The following ABCG8 variants were observed in gnomAD, a reference collection of about 807,000 sequenced individuals.
ABCG8 encodes the protein ATP binding cassette subfamily G member 8.
ABCG8 carries 81 observed loss-of-function variants against 71.3 expected under a neutral mutation model. The ratio of observed to expected loss-of-function variants is 1.14; its 90% CI spans 0.95 to 1.37. The LOEUF (loss-of-function observed/expected upper bound fraction) is 1.37. Among genes scored for constraint, ABCG8 ranks in the 40% most tolerant of loss-of-function variants. The pLI is 0.00. For synonymous variants in ABCG8, 451 were observed against 354.7 expected, an observed-to-expected ratio of 1.27 and a Z score of -3.05; for missense variants, 1,119 against 866.2, an observed-to-expected ratio of 1.29 and a Z score of -3.66.
intron 1 of ABCG8, among the ~76,000 whole-genome samples, chr2:43,842,390 G>A (rs191603136): frequency 2.6e-5 from 4 of 152,286 alleles, no homozygotes; most frequent in East Asian, 3.9e-4. Flanking sequence ...CAGTGACAGC[G>A]GAGAGGGCGA....
Position 43,882,576 on chromosome 2 carries a change from A to G in ABCG8, c.*4663A>G, listed in dbSNP as rs1190155799. ...TCCTTATTTGTGAATAGTCTGCACT[A>G]GATAATTCAGATTTCAAGTCATCTG... is the stretch of plus-strand genomic sequence containing the variant. On this transcript the variant is annotated 3_prime_UTR_variant, in exon 13 of 13. Transcript: ENST00000272286. 6.6e-6 allele frequency: 1 copy of G among 152,238 alleles called. No individual in the cohort carries two copies. Among genetic ancestry groups the G allele is most frequent in the African/African-American group, 2.4e-5 (1 of 41,468 alleles). The allele number at this position is 152,238 out of a possible 1,614,324, so 9.4% of individuals were successfully genotyped here. A position where few individuals can be genotyped will look rare whatever the true frequency, so the allele number is the denominator to read the frequency against.
In ABCG8 at chr2:43,852,852, T is replaced by C. The variant is rs775099284; in HGVS notation, c.948T>C (p.Asn316=). 1 of 1,614,024 alleles carries C rather than the reference T, an allele frequency of 6.2e-7. No individual in the cohort carries two copies. Among genetic ancestry groups the C allele is most frequent in the Non-Finnish European group, 8.5e-7 (1 of 1,180,010 alleles). The part of the protein sequence containing the change: ...AIGYPCPRYS[N]PADFYVDLTS... ...GCTACCCCTGTCCTCGCTACAGCAA[T>C]CCTGCTGACTTCTATGGTGAGTCCC... The change falls in exon 6 of 13, where the codon AAT becomes AAC. Residue 316 remains asparagine (N), a synonymous_variant. Coordinates refer to ENST00000272286, the MANE Select transcript of ABCG8 (RefSeq NM_022437.3).
chr2:43,863,729 G>T (rs1669417518), intron 6 of ABCG8, among the ~76,000 whole-genome samples: 1 of 151,410 alleles, frequency 6.6e-6, no homozygotes, highest in Admixed American at 6.6e-5. Flanking sequence ...CATTTGGATA[G>T]AACTCTCACT....
chr2:43,881,009 T>C lies in ABCG8; in HGVS notation c.*3096T>C, dbSNP rs1284985254. On this transcript the variant is annotated 3_prime_UTR_variant, in exon 13 of 13. Transcript: ENST00000272286. ...TCCCCCCACCTCCTTGTCACTGTGG[T>C]CCCCTAATGGCGTTAGGCCTGAATG... 1 of 152,280 alleles carries C rather than the reference T, an allele frequency of 6.6e-6. No homozygotes were observed. The highest frequency in any genetic ancestry group is 2.4e-5 in the African/African-American group (1 of 41,434). The allele number at this position is 152,280 out of a possible 1,614,324, so 9.4% of individuals were successfully genotyped here.
chr2:43,850,371 A>T (rs1472210414), intron 3 of ABCG8, among the ~76,000 whole-genome samples: 1 of 152,216 alleles, frequency 6.6e-6, no homozygotes, highest in African/African-American at 2.4e-5. Flanking sequence ...AACTGGATCC[A>T]ATCTGATGCT....
Position 43,852,419 on chromosome 2 carries a change from C to T in ABCG8, c.627C>T (p.Tyr209=), listed in dbSNP as rs756486773. The T allele has an allele frequency of 9.9e-6, 16 of 1,612,500 alleles. No homozygotes were observed. The highest frequency in any genetic ancestry group is 2.2e-5 in the East Asian group (1 of 44,884). Reference sequence around the variant, plus strand: ...CTGACACCCGCGTGGGCAACATGTACGTGCGGGGGTTGTCGGGGGGTGAGC... The same window carrying T: ...CTGACACCCGCGTGGGCAACATGTATGTGCGGGGGTTGTCGGGGGGTGAGC... ...QCADTRVGNM[Y]VRGLSGGERR... is the part of the protein sequence containing the mutation. Residue 209 remains tyrosine, a synonymous_variant, in exon 5 of 13, where the codon TAC becomes TAT. Transcript: ENST00000272286.
rs185712056 is a variant in ABCG8, at chr2:43,881,894, A to G, written c.*3981A>G. The G allele has an allele frequency of 1.3e-5, 2 of 152,276 alleles. No individual in the cohort carries two copies. The highest frequency in any genetic ancestry group is 1.9e-4 in the East Asian group (1 of 5,174). 9.4% of individuals were successfully genotyped at this position (152,276 alleles called of 1,614,324 possible). A position where few individuals can be genotyped will look rare whatever the true frequency, so the allele number is the denominator to read the frequency against. On this transcript the variant is annotated 3_prime_UTR_variant, in exon 13 of 13. Coordinates refer to ENST00000272286, the MANE Select transcript of ABCG8 (RefSeq NM_022437.3). ...CGTGGGCCTTATAGGCTCTGCTGCA[A>G]TTACTTAACTCTGCTGTTACAGTGT...
chr2:43,870,388 G>C (rs1480990673), intron 6 of ABCG8, among the ~76,000 whole-genome samples: 1 of 151,938 alleles, frequency 6.6e-6, no homozygotes, highest in Non-Finnish European at 1.5e-5. Context: ...TATGTTGATG[G>C]AATTCTCAGG....
chr2:43,863,129 C>T (rs1436394843), intron 6 of ABCG8, among the ~76,000 whole-genome samples: 3 of 149,596 alleles, frequency 2.0e-5, no homozygotes, highest in Admixed American at 6.6e-5. Flanking sequence ...AATTCTCACT[C>T]TCTGGATATA....
chr2:43,873,189 A>ATTT (rs71393209), intron 8 of ABCG8, among the ~76,000 whole-genome samples: 332 of 140,504 alleles, frequency 2.4e-3, no homozygotes, highest in South Asian at 5.5e-3. Context: ...TTGAGCGTAC[A>ATTT]TTTTTTTTTT....
rs773684932 is a variant in ABCG8 at position 43,875,259 on chromosome 2, G to A, written c.1602G>A (p.Leu534=). 2 of 1,614,102 alleles carry A rather than the reference G, an allele frequency of 1.2e-6. No individual in the cohort carries two copies. Among genetic ancestry groups the A allele is most frequent in the South Asian group, 1.1e-5 (1 of 91,090 alleles). ...AGCCCTTCCTGCTGCACTTCCTGCT[G>A]GTGTGGCTGGTGGTCTTCTGTTGCA... ...GLQPFLLHFL[L]VWLVVFCCRI... Residue 534 remains leucine (L), a synonymous_variant, in exon 11 of 13, where the codon CTG becomes CTA. Transcript: ENST00000272286.
In ABCG8 at chr2:43,851,848, C is replaced by A. The variant is rs747275912; in HGVS notation, c.561+26C>A. ...GTAACTAACTGGCCCCAGTGGTGAC[C>A]CCCAGGTCCAAGAAGCTACAGTGTC... On this transcript the variant is annotated intron_variant, in intron 4 of 12. Transcript: ENST00000272286. 6.8e-6 allele frequency: 11 copies of A among 1,611,240 alleles called. No individual in the cohort carries two copies. In the Admixed American group the frequency reaches 1.8e-4, roughly 27 times the overall value.
Position 43,878,110 on chromosome 2 carries a change from G to A in ABCG8, c.*197G>A, listed in dbSNP as rs986092109. On this transcript the variant is annotated 3_prime_UTR_variant, in exon 13 of 13. Transcript: ENST00000272286. ...ATAAAGACAGTCGAAAGGGATTTCT[G>A]CTCACTGGCAGGAGACTGCGATGAC... 2 of 752,008 alleles carry A rather than the reference G, an allele frequency of 2.7e-6. No individual in the cohort carries two copies. Among genetic ancestry groups the A allele is most frequent in the African/African-American group, 3.5e-5 (2 of 57,706 alleles). The allele number at this position is 752,008 out of a possible 1,614,324, so 46.6% of individuals were successfully genotyped here.
chr2:43,844,108 G>A (rs145184375), intron 1 of ABCG8, among the ~76,000 whole-genome samples: 1 of 152,270 alleles, frequency 6.6e-6, no homozygotes, highest in African/African-American at 2.4e-5. Flanking sequence ...CCAGCTGCAG[G>A]GAAGAGAAAG....
Position 43,877,634 on chromosome 2 carries a change from A to T in ABCG8, c.1830A>T (p.Arg610Ser). Residue 610 changes from arginine (R) to serine (S), a missense_variant, in exon 12 of 13, where the codon AGA (arginine) becomes AGT (serine). Arg to Ser is a moderately radical substitution (Grantham distance 110, BLOSUM62 -1). Coordinates refer to ENST00000272286, the MANE Select transcript of ABCG8 (RefSeq NM_022437.3). ...GGCTGATGAAGATTCAGTTCAGCAG[A>T]AGAACTTATAAAATGCCTCTCGGGA... ...FEGLMKIQFS[R>S]RTYKMPLGNL... 6.2e-7 allele frequency: 1 copy of T among 1,613,356 alleles called. No homozygotes were observed. The highest frequency in any genetic ancestry group is 1.1e-5 in the South Asian group (1 of 91,074).
At chr2:43,868,430 C>A (rs1428709852) in intron 6 of ABCG8, among the ~76,000 whole-genome samples, 8 of 151,994 alleles carry the variant, frequency 5.3e-5, no homozygotes, top group Admixed American at 1.3e-4. Flanking sequence ...AGAACTGTCA[C>A]CCTCTGGATA....
intron 3 of ABCG8, among the ~76,000 whole-genome samples, chr2:43,850,549 C>T (rs1572832315): frequency 6.6e-6 from 1 of 152,284 alleles, no homozygotes; most frequent in East Asian, 1.9e-4. Context: ...ATTATTTAAT[C>T]ACCCAGGTAG....
chr2:43,862,120 C>T (rs1186169666), intron 6 of ABCG8, among the ~76,000 whole-genome samples: 2 of 150,402 alleles, frequency 1.3e-5, no homozygotes, highest in Non-Finnish European at 3.0e-5. Context: ...GGATAGAACT[C>T]TTACTACCTG....
Position 43,872,297 on chromosome 2 carries a change from C to T in ABCG8, c.1202C>T (p.Thr401Met), listed in dbSNP as rs776792168. The change falls in exon 8 of 13, where the codon ACG (threonine) becomes ATG (methionine). Residue 401 changes from threonine (T) to methionine (M), a missense_variant. Transcript: ENST00000272286. ...KMPGAVQQFT[T>M]LIRRQISNDF... Reference sequence around the variant, plus strand: ...CCTGGGGCGGTGCAGCAGTTTACGACGCTGATCCGGTAATTATCTGTCATT... The same window carrying T: ...CCTGGGGCGGTGCAGCAGTTTACGATGCTGATCCGGTAATTATCTGTCATT... The T allele has an allele frequency of 1.7e-5, 27 of 1,613,738 alleles. No individual in the cohort carries two copies. Among genetic ancestry groups the T allele is most frequent in the Non-Finnish European group, 2.2e-5 (26 of 1,179,948 alleles).
Sources: gnomAD v4.1 joint callset for allele counts (sites outside exome capture counted in the v4.1 genomes callset) on GRCh38, gnomAD v4.1.1 for gene constraint, MANE v1.5 for transcripts, NCBI Gene and HGNC (gene_info 2026-07-23, HGNC 2026-07-21) for gene names.